DDX60L: variants seen among roughly 807,000 people sequenced by gnomAD.
The protein encoded by DDX60L is DExD/H-box 60 like.
DDX60L carries 191 observed loss-of-function variants against 211.6 expected under a neutral mutation model. The observed-to-expected ratio is 0.90, with a 90% CI of 0.80 to 1.02. The LOEUF is 1.02. DDX60L is among the 50% of genes least tolerant of loss of function. DDX60L has a pLI of 0.00. For missense variants in DDX60L, 2,007 were observed against 1,984.1 expected, an observed-to-expected ratio of 1.01 and a Z score of -0.22; for synonymous variants, 706 against 694.1, an observed-to-expected ratio of 1.02 and a Z score of -0.27.
At chr4:168,418,677 A>T (rs2018479) in intron 19 of DDX60L, among the ~76,000 whole-genome samples, 2 of 152,174 alleles carry the variant, frequency 1.3e-5, no homozygotes, top group Non-Finnish European at 2.9e-5. Context: ...ACAAAATACA[A>T]AGCTTGAATT....
intron 30 of DDX60L, among the ~76,000 whole-genome samples, chr4:168,383,034 A>G (rs1285345183): frequency 6.6e-6 from 1 of 152,216 alleles, no homozygotes; most frequent in Non-Finnish European, 1.5e-5. Context: ...GAGATTTAGG[A>G]AAATGTAATT....
rs371296770 is a variant in DDX60L, at chr4:168,403,980, A to G, written c.3338+2T>C. 4.8e-6 allele frequency: 7 copies of G among 1,457,456 alleles called. No homozygotes were observed. The South Asian group carries it at 7.4e-5, about 15-fold the overall frequency. 90.3% of individuals were successfully genotyped at this position (1,457,456 alleles called of 1,614,324 possible). ...AAGATAAATTAAGTTTCAGTTACTT[A>G]CAAAAAAAATATTGCAGGCAACTTA... On this transcript the variant is annotated splice_donor_variant, in intron 25 of 37. Transcript: ENST00000682922. LOFTEE classifies it high-confidence loss of function.
intron 8 of DDX60L, among the ~76,000 whole-genome samples, chr4:168,451,671 A>ACAAACAAAAC (rs1252633897): frequency 1.3e-5 from 2 of 152,194 alleles, no homozygotes; most frequent in African/African-American, 4.8e-5. Context: ...TTAAACAAAA[A>ACAAACAAAAC]TGTCAATTTC....
At chr4:168,412,569 T>C (rs1415616505) in intron 22 of DDX60L, among the ~76,000 whole-genome samples, 1 of 151,550 alleles carries the variant, frequency 6.6e-6, no homozygotes, top group Non-Finnish European at 1.5e-5. Flanking sequence ...CCAAACAACA[T>C]CTCTGGACCC....
At position 168,356,950 on chromosome 4, in the gene DDX60L, G is replaced by A. The variant is rs181040683; in HGVS notation, c.*1197C>T. On this transcript the variant is annotated 3_prime_UTR_variant, in exon 38 of 38. Coordinates refer to ENST00000682922, the MANE Select transcript of DDX60L (RefSeq NM_001012967.3). The stretch of plus-strand genomic sequence containing the variant: ...AATTTTTAAATCACTTGCAGTTTAA[G>A]CTCATTTGAGAAACTTTTTTCTCCT... 1.1e-4 allele frequency: 17 copies of A among 152,142 alleles called. No homozygotes were observed. The highest frequency in any genetic ancestry group is 3.9e-4 in the African/African-American group (16 of 41,438). The allele number at this position is 152,142 out of a possible 1,614,324, so 9.4% of individuals were successfully genotyped here.
At chr4:168,368,659 C>T (rs760296145) in intron 36 of DDX60L, among the ~76,000 whole-genome samples, 1 of 152,230 alleles carries the variant, frequency 6.6e-6, no homozygotes, top group Non-Finnish European at 1.5e-5. Context: ...GCCACAGACA[C>T]TCAATGCCAG....
intron 10 of DDX60L, 109 bp from the exon 11 acceptor site, chr4:168,433,224 CTAA>C (rs1231820507): frequency 4.1e-6 from 3 of 730,250 alleles, no homozygotes; most frequent in Admixed American, 2.8e-5. Flanking sequence ...ATAAATTTTA[CTAA>C]TGTTTACCAA....
chr4:168,421,259 A>T (rs1352126443), intron 17 of DDX60L, among the ~76,000 whole-genome samples: 1 of 152,258 alleles, frequency 6.6e-6, no homozygotes, highest in Non-Finnish European at 1.5e-5. Flanking sequence ...AAAATACTAT[A>T]GTCATCATTT....
At chr4:168,460,292 C>T (rs1475135111) in intron 5 of DDX60L, among the ~76,000 whole-genome samples, 1 of 152,098 alleles carries the variant, frequency 6.6e-6, no homozygotes, top group East Asian at 1.9e-4. Flanking sequence ...AAATAATGAG[C>T]CTATCATAAT....
chr4:168,416,907 C>T, intron 19 of DDX60L, 110 bp from the exon 20 acceptor site: 1 of 555,620 alleles, frequency 1.8e-6, no homozygotes, highest in Non-Finnish European at 3.1e-6. Flanking sequence ...AATGACCTAA[C>T]CTAAATAAAG....
chr4:168,375,404 C>CT lies in DDX60L; in HGVS notation c.4605dup (p.Glu1536ArgfsTer14), dbSNP rs3833609. The stretch of plus-strand genomic sequence containing the variant: ...ATTCTTGACAAAGGGAGTTGATGCT[C>CT]TTTTTTCATGTTCACCGACTTGGAA... On this transcript the variant is annotated frameshift_variant, in exon 34 of 38. Transcript: ENST00000682922. LOFTEE classifies it high-confidence loss of function. 1 of 1,612,568 alleles carries CT rather than the reference C, an allele frequency of 6.2e-7. No individual in the cohort carries two copies. Among genetic ancestry groups the CT allele is most frequent in the Non-Finnish European group, 8.5e-7 (1 of 1,179,280 alleles).
intron 36 of DDX60L, among the ~76,000 whole-genome samples, chr4:168,364,932 C>A (rs1347018315): frequency 6.6e-6 from 1 of 151,768 alleles, no homozygotes; most frequent in Non-Finnish European, 1.5e-5. Context: ...AAAAACCCAA[C>A]AGATCAATAA....
intron 4 of DDX60L, 118 bp downstream of exon 4, chr4:168,471,629 C>A: frequency 1.3e-6 from 1 of 774,030 alleles, no homozygotes. Flanking sequence ...TTTTGTTAAC[C>A]TGTCTTTTTA....
chr4:168,467,900 C>T (rs1283017171), intron 4 of DDX60L, among the ~76,000 whole-genome samples: 2 of 152,192 alleles, frequency 1.3e-5, no homozygotes, highest in African/African-American at 2.4e-5. Context: ...GGCACGGTGG[C>T]TCATGCCTGT....
At chr4:168,371,571 A>G (rs1437135923) in intron 36 of DDX60L, 41 bp downstream of exon 36, 4 of 1,190,086 alleles carry the variant, frequency 3.4e-6, no homozygotes, top group Non-Finnish European at 4.8e-6. Flanking sequence ...ATAGATATAT[A>G]TGTATGTATA....
intron 36 of DDX60L, among the ~76,000 whole-genome samples, chr4:168,363,083 C>T (rs950718962): frequency 2.6e-5 from 4 of 152,128 alleles, no homozygotes; most frequent in South Asian, 2.1e-4. Context: ...TCACACATAA[C>T]GGAATCCTCA....
intron 22 of DDX60L, among the ~76,000 whole-genome samples, chr4:168,413,213 T>C (rs1401120738): frequency 2.0e-5 from 3 of 152,106 alleles, no homozygotes; most frequent in Non-Finnish European, 2.9e-5. Context: ...GAACCAATTA[T>C]GGAAAGACAA....
chr4:168,467,923 T>C (rs1344670583), intron 4 of DDX60L, among the ~76,000 whole-genome samples: 1 of 152,036 alleles, frequency 6.6e-6, no homozygotes, highest in African/African-American at 2.4e-5. Context: ...TCTCAGCACT[T>C]TGGGAGGCTG....
intron 4 of DDX60L, chr4:168,468,849 TA>T (rs1391082183): frequency 1.3e-5 from 2 of 152,206 alleles, no homozygotes; most frequent in Non-Finnish European, 2.9e-5. Flanking sequence ...AAATTATTTT[TA>T]AAAATTCAAT....
Sources: gnomAD v4.1 joint callset for allele counts (sites outside exome capture counted in the v4.1 genomes callset) on GRCh38, gnomAD v4.1.1 for gene constraint, MANE v1.5 for transcripts, NCBI Gene and HGNC (gene_info 2026-07-23, HGNC 2026-07-21) for gene names.